BCOR: variants seen among roughly 807,000 people sequenced by gnomAD.
BCOR encodes the protein BCL6 corepressor.
Under a neutral mutation model 86.7 loss-of-function variants are expected in BCOR, and 10 were observed. That is an observed-to-expected ratio of 0.12 (90% CI 0.07 to 0.20). The LOEUF (loss-of-function observed/expected upper bound fraction) is 0.20. Ranked by LOEUF, BCOR falls within the 10% of genes least tolerant of loss-of-function variation. The probability of loss-of-function intolerance (pLI) is 1.00; values close to 1 mark genes in which losing one functional copy is unlikely to be tolerated. For missense variants in BCOR, 1,259 were observed against 1,452.1 expected, an observed-to-expected ratio of 0.87 and a Z score of 2.16; for synonymous variants, 611 against 609.0, an observed-to-expected ratio of 1.00 and a Z score of -0.05.
chrX:40,103,679 A>C (rs1355047174), intron 1 of BCOR, among the ~76,000 whole-genome samples: 1 of 111,690 alleles, frequency 9.0e-6, no homozygotes, highest in African/African-American at 3.3e-5. Flanking sequence ...CACATTTTTG[A>C]ATCTTCCTTT....
intron 3 of BCOR, among the ~76,000 whole-genome samples, chrX:40,075,653 G>A (rs1381011009): frequency 2.7e-5 from 3 of 111,291 alleles, no homozygotes; most frequent in Non-Finnish European, 3.8e-5. Context: ...CAGCTACTCG[G>A]GAGACTGAGG....
chrX:40,173,235 CCCTATTATCCCAA>C (rs1448327725), intron 1 of BCOR, among the ~76,000 whole-genome samples: 2 of 111,778 alleles, frequency 1.8e-5, no homozygotes, highest in Non-Finnish European at 3.8e-5. Context: ...TCAATCCAGG[CCCTATTATCCCAA>C]GCTGTGCGGC....
At chrX:40,123,813 G>A (rs1482559449) in intron 1 of BCOR, among the ~76,000 whole-genome samples, 1 of 110,505 alleles carries the variant, frequency 9.0e-6, no homozygotes, top group Non-Finnish European at 1.9e-5. Context: ...GTGTGTGTGT[G>A]TGTGTGTGCA....
At chrX:40,171,475 T>C (rs1235559375) in intron 1 of BCOR, among the ~76,000 whole-genome samples, 6 of 103,095 alleles carry the variant, frequency 5.8e-5, no homozygotes, top group Admixed American at 3.1e-4. Context: ...GGGGGATTCA[T>C]GTGTTTAGGT....
chrX:40,071,969 A>G, intron 4 of BCOR: 1 of 391,819 alleles, frequency 2.6e-6, no homozygotes, highest in South Asian at 4.4e-5. Context: ...CGGCTGCTAC[A>G]CATCTCTACC....
At chrX:40,058,977 G>A (rs1934737312) in intron 10 of BCOR, among the ~76,000 whole-genome samples, 1 of 112,190 alleles carries the variant, frequency 8.9e-6, no homozygotes, top group African/African-American at 3.2e-5. Context: ...GCCACCGACT[G>A]CTGTGCACAG....
chrX:40,133,453 C>CT (rs757749262), intron 1 of BCOR, among the ~76,000 whole-genome samples: 1,026 of 85,571 alleles, frequency 0.012, 6 homozygotes, highest in Middle Eastern at 0.018. Flanking sequence ...TCAATTTCAA[C>CT]TTTTTTTTTT....
rs753524032 is a variant in BCOR at position 40,139,398 on chromosome X, T to TATATA, written c.-41+37604_-41+37608dup. ...TATATATATATAATATATATACATA[T>TATATA]ATATATATATATATATAATATATAT... On this transcript the variant is annotated intron_variant, in intron 1 of 14. Transcript: ENST00000342274. Among the ~76,000 whole-genome samples the TATATA allele has an allele frequency of 5.1e-3, 78 of 15,428 alleles. 12 individuals carry two copies. The African/African-American group carries it at 0.086, about 17-fold the overall frequency. The allele number at this position is 15,428 out of a possible 115,157, so 13.4% of individuals were successfully genotyped here.
At chrX:40,125,180 C>T (rs1937524727) in intron 1 of BCOR, among the ~76,000 whole-genome samples, 1 of 111,152 alleles carries the variant, frequency 9.0e-6, no homozygotes, top group Admixed American at 9.6e-5. Context: ...CTGCTATGTG[C>T]CAGGAAGTGA....
intron 1 of BCOR, among the ~76,000 whole-genome samples, chrX:40,089,793 C>T (rs1327177443): frequency 1.8e-5 from 2 of 111,751 alleles, no homozygotes. Context: ...CTAGATAGAG[C>T]AAAAGCCCTT....
At chrX:40,118,589 C>T (rs140993438) in intron 1 of BCOR, among the ~76,000 whole-genome samples, 2 of 111,443 alleles carry the variant, frequency 1.8e-5, no homozygotes, top group Admixed American at 1.9e-4. Context: ...ACAACCTGGC[C>T]GACTCTAGAT....
At chrX:40,098,077 G>A (rs1240281901), upstream of BCOR, among the ~76,000 whole-genome samples, 8 of 61,966 alleles carry the variant, frequency 1.3e-4, no homozygotes, top group African/African-American at 2.5e-4. Context: ...CCCAACAGCC[G>A]CCTCCCCTCC....
intron 1 of BCOR, among the ~76,000 whole-genome samples, chrX:40,109,732 G>A (rs370077575): frequency 1.7e-4 from 19 of 113,138 alleles, no homozygotes; most frequent in African/African-American, 5.1e-4. Flanking sequence ...GGGCGTGGGG[G>A]GCGGGGAGGC....
chrX:40,138,926 C>A (rs1937749195), intron 1 of BCOR, among the ~76,000 whole-genome samples: 1 of 110,890 alleles, frequency 9.0e-6, no homozygotes, highest in South Asian at 3.8e-4. Context: ...TGTATCACTA[C>A]CCTCCATTTC....
intron 13 of BCOR, 50 bp downstream of exon 13, chrX:40,054,206 A>G (rs765351086): frequency 1.7e-6 from 2 of 1,145,870 alleles, no homozygotes; most frequent in Non-Finnish European, 1.2e-6. Flanking sequence ...ACAGAAATGG[A>G]CTTGAACTTG....
At chrX:40,127,356 T>C (rs1255472717) in intron 1 of BCOR, among the ~76,000 whole-genome samples, 1 of 112,143 alleles carries the variant, frequency 8.9e-6, no homozygotes, top group Non-Finnish European at 1.9e-5. Context: ...CATGAGGCCA[T>C]CTTGGATCTC....
intron 1 of BCOR, among the ~76,000 whole-genome samples, chrX:40,126,487 T>TGCACTCCA (rs990585756): frequency 9.4e-6 from 1 of 106,532 alleles, no homozygotes; most frequent in Non-Finnish European, 1.9e-5. Context: ...ATCGTGCCAT[T>TGCACTCCA]GCACTCCAGC....
chrX:40,145,104 C>T (rs1938012408), intron 1 of BCOR, among the ~76,000 whole-genome samples: 1 of 110,123 alleles, frequency 9.1e-6, no homozygotes, highest in Non-Finnish European at 1.9e-5. Context: ...GCAACACAAG[C>T]CCCTGGAAGA....
chrX:40,052,665 C>T lies in BCOR; in HGVS notation c.4977-265G>A, dbSNP rs763573689. 2.0e-4 allele frequency among the ~76,000 whole-genome samples: 21 copies of T among 105,923 alleles called. No homozygotes were observed. In the South Asian group the frequency reaches 3.1e-3, roughly 16 times the overall value. 92.0% of individuals were successfully genotyped at this position (105,923 alleles called of 115,157 possible). A position where few individuals can be genotyped will look rare whatever the true frequency, so the allele number is the denominator to read the frequency against. On this transcript the variant is annotated intron_variant, in intron 14 of 14. Coordinates refer to ENST00000378444, the MANE Select transcript of BCOR (RefSeq NM_001123385.2). ...CTGCAAGTTCCACCTCCCAGGTTCA[C>T]GCCATTCTCCCGCCTCAGCCTCCCG...
Sources: allele counts gnomAD v4.1 joint callset (sites outside exome capture counted in the v4.1 genomes callset), GRCh38; gene constraint gnomAD v4.1.1; transcripts MANE v1.5; gene names NCBI Gene and HGNC (gene_info 2026-07-23, HGNC 2026-07-21).